The following DGKG variants were observed in gnomAD, a reference collection of about 807,000 sequenced individuals.
DGKG encodes the protein DAG kinase gamma.
Under a neutral mutation model 105.3 loss-of-function variants are expected in DGKG, and 78 were observed. The ratio of observed to expected loss-of-function variants is 0.74; its 90% CI spans 0.62 to 0.89. The LOEUF (loss-of-function observed/expected upper bound fraction) is 0.89. DGKG is among the 40% of genes least tolerant of loss of function. DGKG has a pLI of 0.00. For synonymous variants in DGKG, 346 were observed against 367.1 expected (o/e 0.94, Z 0.66); for missense variants, 958 against 1,020.1 (o/e 0.94, Z 0.83).
chr3:186,315,693 C>A (rs3819846), intron 2 of DGKG, among the ~76,000 whole-genome samples: 87,972 of 151,916 alleles, frequency 0.58, 26,117 homozygotes, highest in Middle Eastern at 0.67. Flanking sequence ...CAACCGCTAA[C>A]AGCTATGCTT....
At chr3:186,186,293 G>A (rs1171537494) in intron 22 of DGKG, among the ~76,000 whole-genome samples, 1 of 152,016 alleles carries the variant, frequency 6.6e-6, no homozygotes, top group Non-Finnish European at 1.5e-5. Flanking sequence ...TTCTAGTGGT[G>A]GGATCACATC....
At chr3:186,152,668 A>T (rs4234591) in intron 24 of DGKG, among the ~76,000 whole-genome samples, 100,914 of 151,930 alleles carry the variant, frequency 0.66, 33,861 homozygotes, top group East Asian at 0.93. Context: ...CCTCCCCCAC[A>T]TTTTTTTATT....
rs1715658555 is a variant in DGKG at position 186,149,560 on chromosome 3, G to A, written c.*530C>T. The A allele has an allele frequency of 2.0e-6, 2 of 985,438 alleles. No homozygotes were observed. Among genetic ancestry groups the A allele is most frequent in the African/African-American group, 1.7e-5 (1 of 57,250 alleles). 61.0% of individuals were successfully genotyped at this position (985,438 alleles called of 1,614,324 possible). A position where few individuals can be genotyped will look rare whatever the true frequency, so the allele number is the denominator to read the frequency against. ...CTCAAAGGACGACCAAGAAACCAAC[G>A]TGCGCCTGCTGAGCCCTGCCAAGGA... On this transcript the variant is annotated 3_prime_UTR_variant, in exon 25 of 25. Coordinates refer to ENST00000265022, the MANE Select transcript of DGKG (RefSeq NM_001346.3).
At chr3:186,297,389 T>C in intron 5 of DGKG, 32 bp downstream of exon 5, 1 of 1,564,468 alleles carries the variant, frequency 6.4e-7, no homozygotes, top group South Asian at 1.1e-5. Flanking sequence ...ATTCCCTACT[T>C]TTCCCACAAG....
At chr3:186,193,554 A>G (rs1718011614) in intron 21 of DGKG, among the ~76,000 whole-genome samples, 1 of 152,254 alleles carries the variant, frequency 6.6e-6, no homozygotes, top group South Asian at 2.1e-4. Context: ...AGCCTTGGCA[A>G]GCGCACGCCT....
At chr3:186,186,137 T>C (rs1439501368) in intron 22 of DGKG, among the ~76,000 whole-genome samples, 1 of 143,098 alleles carries the variant, frequency 7.0e-6, no homozygotes. Context: ...AATTCCTGAA[T>C]CCTCTCTTAA....
At position 186,268,806 on chromosome 3, in the gene DGKG, T is replaced by G. The variant is rs1300522043; in HGVS notation, c.1111A>C (p.Met371Leu). Residue 371 changes from methionine (M) to leucine (L), a missense_variant, in exon 12 of 25, where the codon ATG (methionine) becomes CTG (leucine). Coordinates refer to ENST00000265022, the MANE Select transcript of DGKG (RefSeq NM_001346.3). The part of the protein sequence containing the change: ...VTARHCVWCR[M>L]TFHRKCELST... ...CGCCCTGGGCGCCAACCCACCGTCATCCGGCACCACACGCAGTGCCGCGCG... is the reference window on the plus strand; with the variant it reads ...CGCCCTGGGCGCCAACCCACCGTCAGCCGGCACCACACGCAGTGCCGCGCG... 6 of 1,610,472 alleles carry G rather than the reference T, an allele frequency of 3.7e-6. No individual in the cohort carries two copies. Among genetic ancestry groups the G allele is most frequent in the Non-Finnish European group, 5.1e-6 (6 of 1,177,294 alleles).
intron 11 of DGKG, among the ~76,000 whole-genome samples, chr3:186,271,587 T>C (rs545277497): frequency 1.3e-4 from 20 of 152,280 alleles, no homozygotes; most frequent in African/African-American, 4.8e-4. Flanking sequence ...ACAAATTCGA[T>C]CACATCTTTA....
At chr3:186,198,527 A>G (rs1338796859) in intron 21 of DGKG, among the ~76,000 whole-genome samples, 1 of 152,240 alleles carries the variant, frequency 6.6e-6, no homozygotes, top group Non-Finnish European at 1.5e-5. Context: ...CCAGTGGGTC[A>G]ATACTAGAGG....
At chr3:186,175,703 C>T (rs1717044786) in intron 22 of DGKG, among the ~76,000 whole-genome samples, 1 of 152,108 alleles carries the variant, frequency 6.6e-6, no homozygotes, top group Non-Finnish European at 1.5e-5. Flanking sequence ...ACTCCGCAGC[C>T]TAGAGCTTTA....
chr3:186,176,842 G>T (rs979669567), intron 22 of DGKG, among the ~76,000 whole-genome samples: 1 of 151,964 alleles, frequency 6.6e-6, no homozygotes, highest in African/African-American at 2.4e-5. Flanking sequence ...GCCTCATGCT[G>T]GAGGTGCAAA....
intron 23 of DGKG, among the ~76,000 whole-genome samples, chr3:186,162,706 AT>A (rs34164960): frequency 0.16 from 24,163 of 151,560 alleles, 1,998 homozygotes; most frequent in South Asian, 0.29. Context: ...TGTCCAGCTA[AT>A]TTTTTTTTGT....
chr3:186,275,839 T>C (rs1722556516), intron 9 of DGKG, among the ~76,000 whole-genome samples, 175 bp from the exon 10 acceptor site: 1 of 152,226 alleles, frequency 6.6e-6, no homozygotes, highest in Non-Finnish European at 1.5e-5. Flanking sequence ...TTTTAAAAAT[T>C]AGCAAATATT....
intron 1 of DGKG, among the ~76,000 whole-genome samples, chr3:186,324,397 C>T (rs897624552): frequency 1.1e-4 from 16 of 151,652 alleles, no homozygotes; most frequent in African/African-American, 3.6e-4. Context: ...ATGCAACAAA[C>T]ATAAAAACAA....
intron 16 of DGKG, 48 bp from the exon 17 acceptor site, chr3:186,257,987 C>T (rs1226058574): frequency 2.9e-6 from 4 of 1,393,108 alleles, no homozygotes; most frequent in Non-Finnish European, 4.1e-6. Flanking sequence ...TAGGTTGCAG[C>T]TGACATTGAT....
chr3:186,160,786 G>A (rs1003879929), intron 24 of DGKG: 124 of 985,316 alleles, frequency 1.3e-4, no homozygotes, highest in Non-Finnish European at 1.4e-4. Context: ...GACGACGATT[G>A]CTCTTCACCA....
Position 186,261,763 on chromosome 3 carries a change from TGGG to T in DGKG, c.1282_1284del (p.Pro428del). The stretch of plus-strand genomic sequence containing the variant: ...ACCAGCAGGGGGTGGGTACCCGGGG[TGGG>T]GATGATCTTATACTTGAAAGGTAAA... On this transcript the variant is annotated inframe_deletion, in exon 15 of 25. Coordinates refer to ENST00000265022, the MANE Select transcript of DGKG (RefSeq NM_001346.3). The T allele has an allele frequency of 6.5e-7, 1 of 1,527,870 alleles. No homozygotes were observed. The highest frequency in any genetic ancestry group is 9.0e-7 in the Non-Finnish European group (1 of 1,108,604). 94.6% of individuals were successfully genotyped at this position (1,527,870 alleles called of 1,614,324 possible). A position where few individuals can be genotyped will look rare whatever the true frequency, so the allele number is the denominator to read the frequency against.
Position 186,312,855 on chromosome 3 carries a change from C to T in DGKG, c.68-5878G>A, listed in dbSNP as rs570713527. Among the ~76,000 whole-genome samples the T allele has an allele frequency of 6.6e-5, 10 of 152,312 alleles. No homozygotes were observed. In the South Asian group the frequency reaches 8.3e-4, roughly 13 times the overall value. ...GCTGGAGTCAGGCCTCAGAGCAGCA[C>T]GTGGGAAGCACAGGGGAGAAGCCCA... On this transcript the variant is annotated intron_variant, in intron 2 of 24. Transcript: ENST00000265022.
intron 15 of DGKG, among the ~76,000 whole-genome samples, 170 bp downstream of exon 15, chr3:186,261,529 A>G (rs1721774220): frequency 6.6e-6 from 1 of 152,164 alleles, no homozygotes; most frequent in African/African-American, 2.4e-5. Context: ...AGAGGGAGAA[A>G]CCGAGGCCCG....
Sources: allele counts gnomAD v4.1 joint callset (sites outside exome capture counted in the v4.1 genomes callset), GRCh38; gene constraint gnomAD v4.1.1; transcripts MANE v1.5; gene names NCBI Gene and HGNC (gene_info 2026-07-23, HGNC 2026-07-21).